PMEPA1: variants seen among roughly 807,000 people sequenced by gnomAD.
The protein encoded by PMEPA1 is protein TMEPAI.
In PMEPA1, 11 loss-of-function variants were observed where a neutral mutation model predicts 23.0. That is an observed-to-expected ratio of 0.48 (90% CI 0.30 to 0.79). PMEPA1 has a LOEUF of 0.79. PMEPA1 is among the 30% of genes least tolerant of loss of function. The pLI is 0.06. For missense variants in PMEPA1, 377 were observed against 390.9 expected (o/e 0.96, Z 0.30); for synonymous variants, 204 against 166.4 (o/e 1.23, Z -1.74).
In PMEPA1 at chr20:57,651,291, G is replaced by C. The variant is rs1015139927; in HGVS notation, c.*762C>G. The C allele has an allele frequency of 1.3e-5, 2 of 152,598 alleles. No homozygotes were observed. The highest frequency in any genetic ancestry group is 2.9e-5 in the Non-Finnish European group (2 of 68,064). The allele number at this position is 152,598 out of a possible 1,614,324, so 9.5% of individuals were successfully genotyped here. A position where few individuals can be genotyped will look rare whatever the true frequency, so the allele number is the denominator to read the frequency against. On this transcript the variant is annotated 3_prime_UTR_variant, in exon 4 of 4. Coordinates refer to ENST00000341744, the MANE Select transcript of PMEPA1 (RefSeq NM_020182.5). ...CCCCTCGGGAAAGCCCGCCGCTCCT[G>C]GCCAAGGCCTCTCTGCAGACTCCAC...
Position 57,687,166 on chromosome 20 carries a change from C to T in PMEPA1, c.109+22308G>A, listed in dbSNP as rs557764420. Reference sequence around the variant, plus strand: ...GTAGGTTCTAGAACCGATCTGCCAACGCGGAGGAATGAGTTCAAGATGTGG... The same window carrying T: ...GTAGGTTCTAGAACCGATCTGCCAATGCGGAGGAATGAGTTCAAGATGTGG... On this transcript the variant is annotated intron_variant, in intron 1 of 3. Coordinates refer to ENST00000341744, the MANE Select transcript of PMEPA1 (RefSeq NM_020182.5). Among the ~76,000 whole-genome samples the T allele has an allele frequency of 1.1e-4, 16 of 152,350 alleles. No individual in the cohort carries two copies. The South Asian group carries it at 1.7e-3, about 16-fold the overall frequency.
chr20:57,682,485 G>A lies in PMEPA1; in HGVS notation c.110-22788C>T, dbSNP rs1444784128. Among the ~76,000 whole-genome samples the A allele has an allele frequency of 1.3e-5, 2 of 152,164 alleles. No individual in the cohort carries two copies. Among genetic ancestry groups the A allele is most frequent in the Non-Finnish European group, 2.9e-5 (2 of 68,032 alleles). On this transcript the variant is annotated intron_variant, in intron 1 of 3. Coordinates refer to ENST00000341744, the MANE Select transcript of PMEPA1 (RefSeq NM_020182.5). The surrounding 1 kb of genome is among the most constrained non-coding windows in gnomAD (Gnocchi z 4.4). Reference sequence around the variant, plus strand: ...TGGAGTGTCGGGGTCCTAGGCGCCGGCCCAGAGGAGTTTCAAAGTCAGCCT... The same window carrying A: ...TGGAGTGTCGGGGTCCTAGGCGCCGACCCAGAGGAGTTTCAAAGTCAGCCT...
In PMEPA1 at chr20:57,652,731, G is replaced by A; in HGVS notation, c.319-133C>T. 1 of 870,360 alleles carries A rather than the reference G, an allele frequency of 1.1e-6. No homozygotes were observed. The highest frequency in any genetic ancestry group is 1.7e-6 in the Non-Finnish European group (1 of 584,294). 53.9% of individuals were successfully genotyped at this position (870,360 alleles called of 1,614,324 possible). A position where few individuals can be genotyped will look rare whatever the true frequency, so the allele number is the denominator to read the frequency against. ...AAGGGAGAGGGCAGCAGGGCTGGCGGGGGCGGGAGCCCAGAGCCTGATCCC... is the reference window on the plus strand; with the variant it reads ...AAGGGAGAGGGCAGCAGGGCTGGCGAGGGCGGGAGCCCAGAGCCTGATCCC... On this transcript the variant is annotated intron_variant, in intron 3 of 3. Coordinates refer to ENST00000341744, the MANE Select transcript of PMEPA1 (RefSeq NM_020182.5). This position sits in a 1 kb window ranked among gnomAD's most constrained non-coding sequence, Gnocchi z 6.1.
In PMEPA1 at chr20:57,683,854, CA is replaced by C. The variant is rs1016859411; in HGVS notation, c.110-24158del. On this transcript the variant is annotated intron_variant, in intron 1 of 3. Coordinates refer to ENST00000341744, the MANE Select transcript of PMEPA1 (RefSeq NM_020182.5). The surrounding 1 kb of genome is among the most constrained non-coding windows in gnomAD (Gnocchi z 4.3). ...GTCCAGCCACCTGCACAAAGTCCATCATAAACCCATGCGGGGCACAATGGGA... is the reference window on the plus strand; with the variant it reads ...GTCCAGCCACCTGCACAAAGTCCATCTAAACCCATGCGGGGCACAATGGGA... 7.9e-5 allele frequency among the ~76,000 whole-genome samples: 12 copies of C among 152,132 alleles called. No homozygotes were observed. The highest frequency in any genetic ancestry group is 2.7e-4 in the African/African-American group (11 of 41,488).
rs1568958519 is a variant in PMEPA1, at chr20:57,652,150, A to C, written c.767T>G (p.Leu256Arg). The C allele has an allele frequency of 1.1e-5, 18 of 1,601,696 alleles. No individual in the cohort carries two copies. Among genetic ancestry groups the C allele is most frequent in the Non-Finnish European group, 1.5e-5 (18 of 1,174,188 alleles). Residue 256 changes from leucine (L) to arginine (R), a missense_variant, in exon 4 of 4, where the codon CTG becomes CGG. By Grantham distance (102) the Leu-to-Arg change is moderately radical. Around this residue, in one of 3 missense-constraint regions of PMEPA1, gnomAD observed 176 missense variants for 173.0 expected, o/e 1.02. Coordinates refer to ENST00000341744, the MANE Select transcript of PMEPA1 (RefSeq NM_020182.5). This position sits in a 1 kb window ranked among gnomAD's most constrained non-coding sequence, Gnocchi z 6.1. ...TGTGTGGTGGAGCCGGGTCCCCTCC[A>C]GCAAGGAGGGCGGCCCACTGCTCTG... ...HQQSSGPPSL[L>R]EGTRLHHTHI...
At chr20:57,694,871 T>G (rs1188666278) in intron 1 of PMEPA1, among the ~76,000 whole-genome samples, 1 of 152,142 alleles carries the variant, frequency 6.6e-6, no homozygotes, top group Non-Finnish European at 1.5e-5. Flanking sequence ...AAAATAGGCC[T>G]GAGAGCCACA....
At chr20:57,699,247 C>T (rs573576710) in intron 1 of PMEPA1, among the ~76,000 whole-genome samples, 37 of 152,276 alleles carry the variant, frequency 2.4e-4, no homozygotes, top group African/African-American at 6.7e-4. Context: ...ACCTGAGCTC[C>T]GCCCAGCTCA....
chr20:57,698,170 G>C (rs1403467729), intron 1 of PMEPA1, among the ~76,000 whole-genome samples: 2 of 152,198 alleles, frequency 1.3e-5, no homozygotes, highest in Non-Finnish European at 2.9e-5. Context: ...ATACACCCGA[G>C]ATAGGAGTGC....
intron 1 of PMEPA1, among the ~76,000 whole-genome samples, chr20:57,672,650 GGGGCAGAGGCAGGGAGGT>G (rs2146668766): frequency 6.6e-6 from 1 of 152,352 alleles, no homozygotes; most frequent in East Asian, 1.9e-4. Flanking sequence ...GGTCTCCCCT[GGGGCAGAGGCAGGGAGGT>G]GGGCAGATGG....
chr20:57,653,010 G>T, intron 3 of PMEPA1, 23 bp downstream of exon 3: 1 of 1,584,842 alleles, frequency 6.3e-7, no homozygotes. Flanking sequence ...GGGTGTTGGA[G>T]GGGAGGCCGA....
chr20:57,651,933 G>C lies in PMEPA1; in HGVS notation c.*120C>G. 3 of 690,862 alleles carry C rather than the reference G, an allele frequency of 4.3e-6. No homozygotes were observed. Among genetic ancestry groups the C allele is most frequent in the African/African-American group, 3.6e-5 (2 of 55,048 alleles). The allele number at this position is 690,862 out of a possible 1,614,324, so 42.8% of individuals were successfully genotyped here. A position where few individuals can be genotyped will look rare whatever the true frequency, so the allele number is the denominator to read the frequency against. ...TAAATATTTATACACAGGGAGGTGG[G>C]AGGGGAGGGCCACACGATGCGTTGC... On this transcript the variant is annotated 3_prime_UTR_variant, in exon 4 of 4. Coordinates refer to ENST00000341744, the MANE Select transcript of PMEPA1 (RefSeq NM_020182.5).
At chr20:57,659,255 G>C (rs772676282) in intron 2 of PMEPA1, among the ~76,000 whole-genome samples, 1 of 152,214 alleles carries the variant, frequency 6.6e-6, no homozygotes, top group Non-Finnish European at 1.5e-5. Flanking sequence ...CAGAGCCTGC[G>C]ACCCGAGGCT....
rs1285903743 is a variant in PMEPA1 at position 57,704,292 on chromosome 20, A to T, written c.109+5182T>A. On this transcript the variant is annotated intron_variant, in intron 1 of 3. Transcript: ENST00000341744. This position sits in a 1 kb window ranked among gnomAD's most constrained non-coding sequence, Gnocchi z 4.6. The stretch of plus-strand genomic sequence containing the variant: ...GTTCCCTGGAGCCCACCCCAAAGAC[A>T]ACTGAGTTTGCTTCCCTGAACCATG... Among the ~76,000 whole-genome samples the T allele has an allele frequency of 1.3e-5, 2 of 151,996 alleles. No individual in the cohort carries two copies. Among genetic ancestry groups the T allele is most frequent in the Non-Finnish European group, 2.9e-5 (2 of 67,984 alleles).
In PMEPA1 at chr20:57,659,509, C is replaced by A. The variant is rs202063033; in HGVS notation, c.264+34G>T. On this transcript the variant is annotated intron_variant, in intron 2 of 3. Coordinates refer to ENST00000341744, the MANE Select transcript of PMEPA1 (RefSeq NM_020182.5). ...TACAAGGGGCGTCCCACTGCCGCACCCTCAGGCCACAGATGGGATGGCGGG... is the reference window on the plus strand; with the variant it reads ...TACAAGGGGCGTCCCACTGCCGCACACTCAGGCCACAGATGGGATGGCGGG... 6.2e-6 allele frequency: 10 copies of A among 1,606,124 alleles called. No homozygotes were observed. In the African/African-American group the frequency reaches 1.2e-4, roughly 19 times the overall value.
chr20:57,675,585 G>A (rs963459027), intron 1 of PMEPA1, among the ~76,000 whole-genome samples: 3 of 152,088 alleles, frequency 2.0e-5, no homozygotes, highest in African/African-American at 7.2e-5. Context: ...TCCGGTTTGG[G>A]GGAGGAGGGT....
chr20:57,668,078 C>T (rs2071519058), intron 1 of PMEPA1, among the ~76,000 whole-genome samples: 1 of 152,170 alleles, frequency 6.6e-6, no homozygotes, highest in South Asian at 2.1e-4. Flanking sequence ...GACTGTACTG[C>T]TTTCAGAGTG....
chr20:57,675,583 G>C (rs918675407), intron 1 of PMEPA1, among the ~76,000 whole-genome samples: 2 of 152,052 alleles, frequency 1.3e-5, no homozygotes, highest in Non-Finnish European at 2.9e-5. Flanking sequence ...TTTCCGGTTT[G>C]GGGGAGGAGG....
intron 1 of PMEPA1, among the ~76,000 whole-genome samples, chr20:57,676,735 G>C (rs1402394713): frequency 6.6e-6 from 1 of 152,180 alleles, no homozygotes; most frequent in Non-Finnish European, 1.5e-5. Flanking sequence ...CCCATGACGA[G>C]AGGCCTCCTT....
At chr20:57,662,053 A>ACCCAGGGCTCAGCG (rs2071428632) in intron 1 of PMEPA1, among the ~76,000 whole-genome samples, 1 of 146,146 alleles carries the variant, frequency 6.8e-6, no homozygotes, top group Admixed American at 6.7e-5. Flanking sequence ...CTGGGGCCGC[A>ACCCAGGGCTCAGCG]TCTGCACCCA....
Sources: allele counts gnomAD v4.1 joint callset (sites outside exome capture counted in the v4.1 genomes callset), GRCh38; gene constraint gnomAD v4.1.1; regional missense constraint gnomAD v4.1.1; non-coding constraint Gnocchi (gnomAD v3.1); transcripts MANE v1.5; gene names NCBI Gene and HGNC (gene_info 2026-07-23, HGNC 2026-07-21).